TEX2: variants seen among roughly 807,000 people sequenced by gnomAD.
TEX2 encodes the protein testis expressed 2, also known as testis-expressed protein 2.
A neutral mutation model predicts 106.9 loss-of-function variants in TEX2; 53 were observed. That is an observed-to-expected ratio of 0.50 (90% CI 0.40 to 0.62). The LOEUF (loss-of-function observed/expected upper bound fraction) is 0.62, where lower values mean the gene tolerates loss of function less well. Ranked by LOEUF, TEX2 falls within the 20% of genes least tolerant of loss-of-function variation. The pLI is 0.00. For synonymous variants in TEX2, 523 were observed against 534.8 expected (o/e 0.98, Z 0.30); for missense variants, 1,207 against 1,379.0 (o/e 0.88, Z 1.98).
chr17:64,171,944 C>A (rs367705285), intron 6 of TEX2, among the ~76,000 whole-genome samples: 3 of 149,624 alleles, frequency 2.0e-5, no homozygotes, highest in African/African-American at 4.9e-5. Context: ...TGTGCCACTG[C>A]ACCCCAGCCT....
At chr17:64,252,554 G>C (rs982126606) in intron 1 of TEX2, among the ~76,000 whole-genome samples, 2 of 151,820 alleles carry the variant, frequency 1.3e-5, no homozygotes, top group Non-Finnish European at 2.9e-5. Flanking sequence ...GGGCTCAAGC[G>C]ATCCTCCCAC....
intron 7 of TEX2, among the ~76,000 whole-genome samples, chr17:64,166,178 A>G (rs1337978629): frequency 6.6e-6 from 1 of 152,198 alleles, no homozygotes; most frequent in Non-Finnish European, 1.5e-5. Context: ...GATTTTATTA[A>G]TACTAACACA....
At position 64,212,924 on chromosome 17, in the gene TEX2, C is replaced by A. The variant is rs1373474874; in HGVS notation, c.1294G>T (p.Gly432Trp). Residue 432 changes from glycine (G) to tryptophan (W), a missense_variant, in exon 2 of 12, where the codon GGG (glycine) becomes TGG (tryptophan). Gly to Trp is a radical substitution (Grantham distance 184). Around this residue, in one of 3 missense-constraint regions of TEX2, gnomAD observed 1,067 missense variants for 1,193.6 expected, o/e 0.89. Coordinates refer to ENST00000584379, the MANE Select transcript of TEX2 (RefSeq NM_001288732.2). ...GAGAGCTTATCAACTTTACTCTCCCCCTCCGTTTCCAAATCGAAGTCCTCA... is the reference window on the plus strand; with the variant it reads ...GAGAGCTTATCAACTTTACTCTCCCACTCCGTTTCCAAATCGAAGTCCTCA... The part of the protein sequence containing the change: ...YTEDFDLETE[G>W]ESKVDKLSDI... 5.6e-6 allele frequency: 9 copies of A among 1,614,086 alleles called. No homozygotes were observed. The highest frequency in any genetic ancestry group is 1.7e-5 in the Admixed American group (1 of 60,006).
rs146970339 is a variant in TEX2, at chr17:64,179,416, G to A, written c.2425-1945C>T. ...AAGGGAATAAAAGCTGGCCACCCTAGCCAGCAGCAGCGGCAACCTGCTTGG... is the reference window on the plus strand; with the variant it reads ...AAGGGAATAAAAGCTGGCCACCCTAACCAGCAGCAGCGGCAACCTGCTTGG... On this transcript the variant is annotated intron_variant, in intron 5 of 11. Coordinates refer to ENST00000584379, the MANE Select transcript of TEX2 (RefSeq NM_001288732.2). Among the ~76,000 whole-genome samples, 548 of 152,332 alleles carry A rather than the reference G, an allele frequency of 3.6e-3. 6 individuals carry two copies. The highest frequency in any genetic ancestry group is 0.013 in the African/African-American group (521 of 41,580).
intron 1 of TEX2, among the ~76,000 whole-genome samples, chr17:64,238,226 G>T (rs1598216588): frequency 6.6e-6 from 1 of 152,174 alleles, no homozygotes; most frequent in African/African-American, 2.4e-5. Flanking sequence ...CTTGACCCTG[G>T]AGGTGGAGGT....
chr17:64,169,910 AG>A (rs2031310690), intron 7 of TEX2, among the ~76,000 whole-genome samples: 1 of 152,242 alleles, frequency 6.6e-6, no homozygotes, highest in Non-Finnish European at 1.5e-5. Context: ...TCACTTGCCA[AG>A]GGAGGCTACA....
intron 5 of TEX2, among the ~76,000 whole-genome samples, chr17:64,182,307 C>T (rs1372171465): frequency 6.6e-6 from 1 of 152,000 alleles, no homozygotes; most frequent in East Asian, 1.9e-4. Flanking sequence ...ATGGTGGTTG[C>T]CAGGGGCTGG....
chr17:64,224,518 G>T (rs1555633642), intron 1 of TEX2, among the ~76,000 whole-genome samples: 1 of 152,138 alleles, frequency 6.6e-6, no homozygotes, highest in African/African-American at 2.4e-5. Flanking sequence ...TCTAGCCTTA[G>T]TTTCATTTAA....
At chr17:64,188,133 A>G (rs1480650807) in intron 5 of TEX2, 35 bp downstream of exon 5, 1 of 1,592,118 alleles carries the variant, frequency 6.3e-7, no homozygotes, top group South Asian at 1.1e-5. Flanking sequence ...CTAAGTCGAA[A>G]AGTGAAAAAG....
rs2030999062 is a variant in TEX2 at position 64,163,887 on chromosome 17, G to T, written c.2672-2954C>A. Among the ~76,000 whole-genome samples, 3 of 152,206 alleles carry T rather than the reference G, an allele frequency of 2.0e-5. No homozygotes were observed. In the South Asian group the frequency reaches 6.2e-4, roughly 31 times the overall value. ...CCTTTCTTTTGTAGTCTTGACAAATGGTTAAGACTTAGCTGTAGGCATTTC... is the reference window on the plus strand; with the variant it reads ...CCTTTCTTTTGTAGTCTTGACAAATTGTTAAGACTTAGCTGTAGGCATTTC... On this transcript the variant is annotated intron_variant, in intron 7 of 11. Transcript: ENST00000584379.
At chr17:64,245,669 A>G (rs1216325940) in intron 1 of TEX2, among the ~76,000 whole-genome samples, 1 of 152,176 alleles carries the variant, frequency 6.6e-6, no homozygotes, top group African/African-American at 2.4e-5. Flanking sequence ...AATACGATGA[A>G]CCTTTTTCAC....
Position 64,147,544 on chromosome 17 carries a change from C to A in TEX2, c.*1425G>T. The A allele has an allele frequency of 6.6e-6, 1 of 152,452 alleles. No homozygotes were observed. Among genetic ancestry groups the A allele is most frequent in the East Asian group, 1.9e-4 (1 of 5,204 alleles). 9.4% of individuals were successfully genotyped at this position (152,452 alleles called of 1,614,324 possible). A position where few individuals can be genotyped will look rare whatever the true frequency, so the allele number is the denominator to read the frequency against. The stretch of plus-strand genomic sequence containing the variant: ...GGTACAGTCATGTGTAATCTCTTTA[C>A]ACGATAGTGCATCTAGTCCTTAGCC... On this transcript the variant is annotated 3_prime_UTR_variant, in exon 12 of 12. Transcript: ENST00000584379.
At chr17:64,197,361 A>C (rs1555629499) in intron 2 of TEX2, among the ~76,000 whole-genome samples, 1 of 152,074 alleles carries the variant, frequency 6.6e-6, no homozygotes, top group African/African-American at 2.4e-5. Flanking sequence ...TGTATCTTTC[A>C]AAGAGTTTAT....
At chr17:64,184,948 A>C (rs2032020647) in intron 5 of TEX2, among the ~76,000 whole-genome samples, 1 of 152,178 alleles carries the variant, frequency 6.6e-6, no homozygotes, top group Non-Finnish European at 1.5e-5. Flanking sequence ...CAACAAAAAC[A>C]TTTTCCAATT....
At position 64,236,135 on chromosome 17, in the gene TEX2, A is replaced by C. The variant is rs1265600579; in HGVS notation, c.-25-21893T>G. On this transcript the variant is annotated intron_variant, in intron 1 of 11. Coordinates refer to ENST00000584379, the MANE Select transcript of TEX2 (RefSeq NM_001288732.2). Reference sequence around the variant, plus strand: ...CCACAGGTTCCACATCCGCAGATTCAACCAACTACAGATCGAAAATATTCG... The same window carrying C: ...CCACAGGTTCCACATCCGCAGATTCCACCAACTACAGATCGAAAATATTCG... Among the ~76,000 whole-genome samples the C allele has an allele frequency of 3.4e-4, 52 of 152,172 alleles. 1 individual carries two copies. Among genetic ancestry groups the C allele is most frequent in the Non-Finnish European group, 1.5e-5 (1 of 68,024 alleles).
At chr17:64,216,719 C>G (rs555057848) in intron 1 of TEX2, among the ~76,000 whole-genome samples, 81 of 152,346 alleles carry the variant, frequency 5.3e-4, no homozygotes, top group African/African-American at 1.8e-3. Flanking sequence ...AAGCTGGCAC[C>G]TGCTCAGGAA....
chr17:64,233,587 CA>C (rs1315687487), intron 1 of TEX2, among the ~76,000 whole-genome samples: 4 of 152,146 alleles, frequency 2.6e-5, no homozygotes, highest in African/African-American at 7.2e-5. Context: ...AACAAACAAA[CA>C]AACAAAAACA....
chr17:64,171,924 G>T (rs1359163926), intron 6 of TEX2, among the ~76,000 whole-genome samples: 1 of 150,804 alleles, frequency 6.6e-6, no homozygotes, highest in Non-Finnish European at 1.5e-5. Context: ...AGGTTGCGGT[G>T]AGCTGAGAAT....
intron 1 of TEX2, among the ~76,000 whole-genome samples, chr17:64,224,034 T>G (rs1276590995): frequency 6.6e-6 from 1 of 152,232 alleles, no homozygotes; most frequent in East Asian, 1.9e-4. Context: ...TCACATTCTT[T>G]GTCTTTGTAA....
Sources: allele counts gnomAD v4.1 joint callset (sites outside exome capture counted in the v4.1 genomes callset), GRCh38; gene constraint gnomAD v4.1.1; regional missense constraint gnomAD v4.1.1; transcripts MANE v1.5; gene names NCBI Gene and HGNC (gene_info 2026-07-23, HGNC 2026-07-21).